CNTN5: variants seen among roughly 807,000 people sequenced by gnomAD.
The protein encoded by CNTN5 is contactin-5.
Under a neutral mutation model 129.1 loss-of-function variants are expected in CNTN5, and 77 were observed. That is an observed-to-expected ratio of 0.60 (90% CI 0.50 to 0.72). CNTN5 has a LOEUF of 0.72. CNTN5 is among the 30% of genes least tolerant of loss of function. The probability of loss-of-function intolerance (pLI) is 0.00; values close to 1 mark genes in which losing one functional copy is unlikely to be tolerated. For synonymous variants in CNTN5, 509 were observed against 465.6 expected (o/e 1.09, Z -1.20); for missense variants, 1,478 against 1,328.8 (o/e 1.11, Z -1.75).
chr11:99,766,461 G>C (rs913948514), intron 3 of CNTN5, among the ~76,000 whole-genome samples: 3 of 151,972 alleles, frequency 2.0e-5, no homozygotes, highest in African/African-American at 7.2e-5. Context: ...GGCTTGGGAA[G>C]ATTATGGATA....
intron 15 of CNTN5, among the ~76,000 whole-genome samples, chr11:100,217,558 G>T (rs1372892470): frequency 6.6e-6 from 1 of 152,270 alleles, no homozygotes; most frequent in East Asian, 1.9e-4. Flanking sequence ...ATGCATAAAT[G>T]TACAATTTTT....
intron 1 of CNTN5, among the ~76,000 whole-genome samples, chr11:99,165,239 A>T (rs1193997514): frequency 2.6e-5 from 4 of 152,212 alleles, no homozygotes. Flanking sequence ...CACAGTTGAA[A>T]GTTAAGTTTT....
At chr11:99,232,843 T>A (rs555628631) in intron 1 of CNTN5, among the ~76,000 whole-genome samples, 1 of 152,344 alleles carries the variant, frequency 6.6e-6, no homozygotes, top group Non-Finnish European at 1.5e-5. Flanking sequence ...ATTCCCTACA[T>A]GATTTCCCAA....
chr11:99,572,853 C>T (rs971992232), intron 3 of CNTN5, among the ~76,000 whole-genome samples: 10 of 151,898 alleles, frequency 6.6e-5, no homozygotes, highest in Non-Finnish European at 1.5e-4. Context: ...CGGTTAGAAA[C>T]ATATGATGGA....
intron 6 of CNTN5, among the ~76,000 whole-genome samples, chr11:99,895,546 G>C (rs1949183066): frequency 6.6e-6 from 1 of 152,116 alleles, no homozygotes; most frequent in Admixed American, 6.5e-5. Flanking sequence ...GAAGTGACAG[G>C]ACCCACATAG....
intron 3 of CNTN5, among the ~76,000 whole-genome samples, chr11:99,777,873 A>G (rs1945179222): frequency 6.6e-6 from 1 of 151,916 alleles, no homozygotes; most frequent in Non-Finnish European, 1.5e-5. Context: ...CACAGTTGTT[A>G]TACAGATTAT....
intron 1 of CNTN5, among the ~76,000 whole-genome samples, chr11:99,133,600 G>T (rs7482717): frequency 6.9e-5 from 9 of 130,822 alleles, no homozygotes; most frequent in Admixed American, 3.9e-4. Flanking sequence ...GCAAAGGATA[G>T]GAACAGACAC....
chr11:100,234,884 T>C (rs1949577320), intron 16 of CNTN5, among the ~76,000 whole-genome samples: 1 of 150,646 alleles, frequency 6.6e-6, no homozygotes, highest in Admixed American at 6.6e-5. Flanking sequence ...TCTTTCTGCA[T>C]AATCTCTTCT....
intron 3 of CNTN5, among the ~76,000 whole-genome samples, chr11:99,667,318 T>G (rs2135935530): frequency 6.6e-6 from 1 of 152,186 alleles, no homozygotes; most frequent in East Asian, 1.9e-4. Context: ...TGTAAATAGC[T>G]TTTCAGCTGT....
chr11:100,181,591 AAATT>A (rs530410882), intron 13 of CNTN5, among the ~76,000 whole-genome samples: 160 of 152,102 alleles, frequency 1.1e-3, no homozygotes, highest in Middle Eastern at 6.8e-3. Context: ...GGAAAAATCT[AAATT>A]AAGATGAACG....
intron 1 of CNTN5, among the ~76,000 whole-genome samples, chr11:99,241,447 G>A (rs1352922250): frequency 2.7e-5 from 4 of 148,244 alleles, no homozygotes; most frequent in Non-Finnish European, 5.9e-5. Flanking sequence ...TTCTTTCTTA[G>A]GTGGAAGTGT....
intron 3 of CNTN5, among the ~76,000 whole-genome samples, chr11:99,787,555 A>T (rs560797046): frequency 2.0e-5 from 3 of 151,818 alleles, no homozygotes; most frequent in Non-Finnish European, 4.4e-5. Context: ...TCAACATCCT[A>T]TAGTGGCACG....
intron 3 of CNTN5, among the ~76,000 whole-genome samples, chr11:99,804,368 T>C (rs1432524695): frequency 6.6e-6 from 1 of 152,046 alleles, no homozygotes; most frequent in South Asian, 2.1e-4. Context: ...TAATGTGATA[T>C]TTAGGAATAG....
chr11:99,948,768 T>C, intron 7 of CNTN5, among the ~76,000 whole-genome samples: 1 of 152,180 alleles, frequency 6.6e-6, no homozygotes, highest in Non-Finnish European at 1.5e-5. Context: ...GTGGTACACA[T>C]TTACTAGATT....
At chr11:100,193,714 G>T in intron 15 of CNTN5, 51 bp downstream of exon 15, 1 of 1,517,306 alleles carries the variant, frequency 6.6e-7, no homozygotes, top group Non-Finnish European at 8.9e-7. Flanking sequence ...TAGAAATTTT[G>T]AATCAAATGT....
At chr11:99,185,642 T>G (rs1250165036) in intron 1 of CNTN5, among the ~76,000 whole-genome samples, 1 of 151,748 alleles carries the variant, frequency 6.6e-6, no homozygotes, top group Non-Finnish European at 1.5e-5. Context: ...AGGAAATAAA[T>G]GCACTAAATC....
chr11:99,955,143 T>C (rs1424493509), intron 7 of CNTN5, among the ~76,000 whole-genome samples: 2 of 150,962 alleles, frequency 1.3e-5, no homozygotes, highest in Admixed American at 6.6e-5. Context: ...ATAAAAAAAT[T>C]TGATTTTAGT....
At chr11:99,873,381 C>A (rs895456153) in intron 6 of CNTN5, among the ~76,000 whole-genome samples, 1 of 151,848 alleles carries the variant, frequency 6.6e-6, no homozygotes, top group Non-Finnish European at 1.5e-5. Context: ...AAACTAACAA[C>A]CCCATTAGAA....
rs759309412 is a variant in CNTN5 at position 99,555,059 on chromosome 11, A to G, written c.-70-1086A>G. 1.2e-3 allele frequency among the ~76,000 whole-genome samples: 181 copies of G among 149,480 alleles called. 3 individuals carry two copies. Among genetic ancestry groups the G allele is most frequent in the Non-Finnish European group, 5.4e-4 (37 of 67,914 alleles). ...ACTACCAAGACTTATATTTAAAATT[A>G]TAAATAAAAATGGAAGTAACTTCAT... is the stretch of plus-strand genomic sequence containing the variant. On this transcript the variant is annotated intron_variant, in intron 2 of 24. Coordinates refer to ENST00000524871, the MANE Select transcript of CNTN5 (RefSeq NM_014361.4).
Sources: allele counts gnomAD v4.1 joint callset (sites outside exome capture counted in the v4.1 genomes callset), GRCh38; gene constraint gnomAD v4.1.1; transcripts MANE v1.5; gene names NCBI Gene and HGNC (gene_info 2026-07-23, HGNC 2026-07-21).